Variants in SLC14A2 observed in about 807,000 individuals in gnomAD.
The protein encoded by SLC14A2 is solute carrier family 14 member 2.
Under a neutral mutation model 104.6 loss-of-function variants are expected in SLC14A2, and 91 were observed. That is an observed-to-expected ratio of 0.87 (90% CI 0.73 to 1.04). SLC14A2 has a LOEUF of 1.04. Ranked by LOEUF, SLC14A2 falls within the 50% of genes least tolerant of loss-of-function variation. The probability of loss-of-function intolerance (pLI) is 0.00; values close to 1 mark genes in which losing one functional copy is unlikely to be tolerated. For missense variants in SLC14A2, 1,189 were observed against 1,156.0 expected, an observed-to-expected ratio of 1.03 and a Z score of -0.41; for synonymous variants, 476 against 466.4, an observed-to-expected ratio of 1.02 and a Z score of -0.27.
chr18:45,574,032 G>GAATT (rs1440393366), intron 2 of SLC14A2, among the ~76,000 whole-genome samples: 1 of 152,226 alleles, frequency 6.6e-6, no homozygotes, highest in Non-Finnish European at 1.5e-5. Flanking sequence ...GTCATCGTAT[G>GAATT]AATTAATGAA....
Position 45,682,393 on chromosome 18 carries a change from C to G in SLC14A2, c.2637C>G (p.Pro879=), listed in dbSNP as rs147824419. ...LTFLLLTTNN[P]AIYKLPLSKV... ...TCCTGCTCCTGACGACCAATAACCC[C>G]GCCATCTACAAGCTCCCGCTCAGCA... The change falls in exon 20 of 20, where the codon CCC becomes CCG. Residue 879 remains proline (P), a synonymous_variant. Transcript: ENST00000255226. 2 of 1,614,170 alleles carry G rather than the reference C, an allele frequency of 1.2e-6. No individual in the cohort carries two copies. The highest frequency in any genetic ancestry group is 8.5e-7 in the Non-Finnish European group (1 of 1,180,016).
Position 45,636,998 on chromosome 18 carries a change from T to C in SLC14A2, c.659T>C (p.Leu220Pro). The change falls in exon 6 of 20, where the codon CTT becomes CCT. Residue 220 changes from leucine to proline, a missense_variant. Leu to Pro is a moderately conservative substitution (Grantham distance 98). Transcript: ENST00000255226. ...GTCTCTTGCATCTTCAGCCCAGTTC[T>C]TTCTAGTGCCTTGAATTCCATCTTC... ...VTFTAMSCPVLSSALNSIFSK... is the reference protein window; with the variant it reads ...VTFTAMSCPVPSSALNSIFSK... The C allele has an allele frequency of 6.2e-7, 1 of 1,613,958 alleles. No individual in the cohort carries two copies. Among genetic ancestry groups the C allele is most frequent in the Middle Eastern group, 1.7e-4 (1 of 6,058 alleles).
chr18:45,265,537 T>G (rs566166870), intron 1 of SLC14A2, among the ~76,000 whole-genome samples: 3 of 152,300 alleles, frequency 2.0e-5, no homozygotes, highest in East Asian at 3.9e-4. Context: ...CCCTTTCATT[T>G]TATTTGGACT....
At chr18:45,415,913 G>A (rs2086271958) in intron 1 of SLC14A2, among the ~76,000 whole-genome samples, 2 of 152,104 alleles carry the variant, frequency 1.3e-5, no homozygotes, top group Non-Finnish European at 2.9e-5. Flanking sequence ...GTTCCCCATC[G>A]ATGTACCTGT....
At chr18:45,555,917 T>C (rs1350797869) in intron 2 of SLC14A2, among the ~76,000 whole-genome samples, 1 of 152,196 alleles carries the variant, frequency 6.6e-6, no homozygotes, top group Non-Finnish European at 1.5e-5. Flanking sequence ...GGCATTGCAT[T>C]GGAGTGTGCA....
chr18:45,200,460 C>T, the SLC14A2 span, among the ~76,000 whole-genome samples: 2 of 152,158 alleles, frequency 1.3e-5, no homozygotes, highest in Non-Finnish European at 2.9e-5. Context: ...AGTTTAGTCT[C>T]TTATGAGCAT....
At chr18:45,242,898 G>A (rs759527586) in intron 1 of SLC14A2, among the ~76,000 whole-genome samples, 1 of 152,180 alleles carries the variant, frequency 6.6e-6, no homozygotes, top group Non-Finnish European at 1.5e-5. Context: ...CTACTCCCAG[G>A]TTTGGCCTAT....
chr18:45,295,917 A>G lies in SLC14A2; in HGVS notation c.-125+82726A>G, dbSNP rs944209215. Among the ~76,000 whole-genome samples the G allele has an allele frequency of 5.9e-5, 9 of 152,320 alleles. No homozygotes were observed. The East Asian group carries it at 1.7e-3, about 29-fold the overall frequency. On this transcript the variant is annotated intron_variant, in intron 1 of 20. Coordinates refer to the SLC14A2 transcript ENST00000586448. ...GGAATGATAACTAATACTGACCTCA[A>G]GAGGCTGTTGTGAGCATAAATACTA...
intron 2 of SLC14A2, among the ~76,000 whole-genome samples, chr18:45,491,884 G>C (rs1258620300): frequency 6.6e-6 from 1 of 152,208 alleles, no homozygotes; most frequent in Non-Finnish European, 1.5e-5. Flanking sequence ...CACCAGCTCT[G>C]CCAGGGCATT....
intron 2 of SLC14A2, among the ~76,000 whole-genome samples, chr18:45,556,578 T>C (rs956755477): frequency 1.3e-5 from 2 of 152,246 alleles, no homozygotes; most frequent in Non-Finnish European, 2.9e-5. Context: ...AATCTCTCTA[T>C]GTCTTGACTT....
chr18:45,605,289 T>A (rs753929165), intron 2 of SLC14A2, among the ~76,000 whole-genome samples: 1 of 152,188 alleles, frequency 6.6e-6, no homozygotes, highest in Non-Finnish European at 1.5e-5. Context: ...TAATATTTTC[T>A]ACCCATGCAC....
At chr18:45,380,042 A>C (rs2085817473) in intron 1 of SLC14A2, among the ~76,000 whole-genome samples, 1 of 152,232 alleles carries the variant, frequency 6.6e-6, no homozygotes, top group Non-Finnish European at 1.5e-5. Context: ...ATAGTGACTC[A>C]AATGGAAATT....
chr18:45,538,953 T>G (rs1393257857), intron 2 of SLC14A2, among the ~76,000 whole-genome samples: 4 of 151,078 alleles, frequency 2.6e-5, no homozygotes, highest in African/African-American at 9.8e-5. Context: ...ATCCCTTCCT[T>G]CCTGCCACAG....
At chr18:45,345,406 A>C (rs2085437924) in intron 1 of SLC14A2, among the ~76,000 whole-genome samples, 1 of 152,216 alleles carries the variant, frequency 6.6e-6, no homozygotes, top group Non-Finnish European at 1.5e-5. Context: ...CACTTCAGAT[A>C]TCTGATGGAC....
chr18:45,483,592 A>G (rs1168665287), intron 2 of SLC14A2: 2 of 152,186 alleles, frequency 1.3e-5, no homozygotes, highest in African/African-American at 4.8e-5. Context: ...TATGTCAAAA[A>G]TAGATGAACA....
intron 1 of SLC14A2, among the ~76,000 whole-genome samples, chr18:45,315,466 G>T (rs182798631): frequency 5.9e-5 from 9 of 152,220 alleles, no homozygotes. Flanking sequence ...TTCCCTGTTT[G>T]GCCAGTGCTC....
chr18:45,566,563 C>T (rs551303192), intron 2 of SLC14A2, among the ~76,000 whole-genome samples: 25 of 152,208 alleles, frequency 1.6e-4, no homozygotes, highest in African/African-American at 5.5e-4. Context: ...CACATCACTG[C>T]TCACCCCAGC....
chr18:45,438,845 G>A lies in SLC14A2; in HGVS notation c.-124-44388G>A, dbSNP rs887526399. Reference sequence around the variant, plus strand: ...TCAAGGAGCTGTGGGGGACATACATGTAGTTCATTATTCCCCATATCAGGC... The same window carrying A: ...TCAAGGAGCTGTGGGGGACATACATATAGTTCATTATTCCCCATATCAGGC... On this transcript the variant is annotated intron_variant, in intron 1 of 20. Coordinates refer to the SLC14A2 transcript ENST00000586448. Among the ~76,000 whole-genome samples, 22 of 152,278 alleles carry A rather than the reference G, an allele frequency of 1.4e-4. No homozygotes were observed. In the East Asian group the frequency reaches 2.7e-3, roughly 19 times the overall value.
intron 1 of SLC14A2, among the ~76,000 whole-genome samples, chr18:45,326,995 A>T (rs565794008): frequency 1.0e-3 from 159 of 152,274 alleles, no homozygotes; most frequent in African/African-American, 3.6e-3. Context: ...TATATCAATC[A>T]ATCAATCAGT....
Sources: allele counts gnomAD v4.1 joint callset (sites outside exome capture counted in the v4.1 genomes callset), GRCh38; gene constraint gnomAD v4.1.1; transcripts MANE v1.5; gene names NCBI Gene and HGNC (gene_info 2026-07-23, HGNC 2026-07-21).